BAZ1B: variants seen among roughly 807,000 people sequenced by gnomAD.
The protein encoded by BAZ1B is bromodomain adjacent to zinc finger domain 1B, also known as tyrosine-protein kinase BAZ1B.
In BAZ1B, 22 loss-of-function variants were observed where a neutral mutation model predicts 153.8. The observed-to-expected ratio is 0.14, with a 90% CI of 0.10 to 0.20. The LOEUF is 0.20. BAZ1B is among the 10% of genes least tolerant of loss of function. BAZ1B has a pLI of 1.00. For synonymous variants in BAZ1B, 676 were observed against 633.4 expected, an observed-to-expected ratio of 1.07 and a Z score of -1.01; for missense variants, 1,325 against 1,799.3, an observed-to-expected ratio of 0.74 and a Z score of 4.77.
At chr7:73,511,752 G>A (rs1219081249) in intron 1 of BAZ1B, among the ~76,000 whole-genome samples, 1 of 151,380 alleles carries the variant, frequency 6.6e-6, no homozygotes, top group African/African-American at 2.4e-5. Context: ...CAGGCGTGGT[G>A]GCTCACGCCT....
At chr7:73,508,590 G>T in intron 2 of BAZ1B, 119 bp from the exon 3 acceptor site, 1 of 1,220,624 alleles carries the variant, frequency 8.2e-7, no homozygotes, top group Non-Finnish European at 1.1e-6. Context: ...TTATCGCTCT[G>T]TCACCAAGGC....
intron 5 of BAZ1B, among the ~76,000 whole-genome samples, chr7:73,490,763 G>A (rs190547839): frequency 0.031 from 4,727 of 151,680 alleles, 149 homozygotes; most frequent in Non-Finnish European, 0.037. Context: ...GTGCCACCAC[G>A]CCCGGCTAAT....
Position 73,442,399 on chromosome 7 carries a change from C to T in BAZ1B, c.4249G>A (p.Val1417Ile), listed in dbSNP as rs548378448. The change falls in exon 19 of 20, where the codon GTT (valine) becomes ATT (isoleucine). Residue 1417 changes from valine to isoleucine, a missense_variant. Coordinates refer to ENST00000339594, the MANE Select transcript of BAZ1B (RefSeq NM_032408.4). ...DMKQVFTNAE[V>I]YNCRGSHVLS... ...ACATGGCTGCCACGGCAGTTGTAAACCTCAGCATTGGTAAACACTTGCTTC... is the reference window on the plus strand; with the variant it reads ...ACATGGCTGCCACGGCAGTTGTAAATCTCAGCATTGGTAAACACTTGCTTC... The T allele has an allele frequency of 1.0e-4, 166 of 1,614,244 alleles. 1 individual carries two copies. In the South Asian group the frequency reaches 1.7e-3, roughly 17 times the overall value.
chr7:73,510,105 C>G (rs1790517143), intron 2 of BAZ1B, among the ~76,000 whole-genome samples: 1 of 151,204 alleles, frequency 6.6e-6, no homozygotes, highest in Non-Finnish European at 1.5e-5. Flanking sequence ...CCAGCCTGGG[C>G]AACAGAGTGA....
In BAZ1B at chr7:73,510,726, CA is replaced by C. The variant is rs1181673928; in HGVS notation, c.224+9del. 4 of 1,607,432 alleles carry C rather than the reference CA, an allele frequency of 2.5e-6. No individual in the cohort carries two copies. The highest frequency in any genetic ancestry group is 3.4e-6 in the Non-Finnish European group (4 of 1,174,166). ...AGATGGTGGCAAAGAGCAATACTTCCATTACTTACAGCTCAGCAACTTCCTG... is the reference window on the plus strand; with the variant it reads ...AGATGGTGGCAAAGAGCAATACTTCCTTACTTACAGCTCAGCAACTTCCTG... On this transcript the variant is annotated intron_variant, in intron 2 of 19. Transcript: ENST00000339594.
At chr7:73,481,099 G>T (rs948465877) in intron 6 of BAZ1B, among the ~76,000 whole-genome samples, 18 of 151,912 alleles carry the variant, frequency 1.2e-4, no homozygotes, top group Non-Finnish European at 1.6e-4. Context: ...GCTAACTTTT[G>T]TATTTTTAGT....
In BAZ1B at chr7:73,450,903, C is replaced by G. The variant is rs368624518; in HGVS notation, c.3524G>C (p.Cys1175Ser). Reference sequence around the variant, plus strand: ...TTCTGCGGACATATCCCACTTGATACAGGCATCAAGCATCCCAAGCAGCAC... The same window carrying G: ...TTCTGCGGACATATCCCACTTGATAGAGGCATCAAGCATCCCAAGCAGCAC... ...MHVLLGMLDA[C>S]IKWDMSAENA... is the part of the protein sequence containing the mutation. Residue 1175 changes from cysteine (C) to serine (S), a missense_variant, in exon 14 of 20, where the codon TGT becomes TCT. By Grantham distance (112) the Cys-to-Ser change is moderately radical. This residue lies in a region of BAZ1B where 431 missense variants were observed against 563.5 expected (regional missense o/e 0.76). Coordinates refer to ENST00000339594, the MANE Select transcript of BAZ1B (RefSeq NM_032408.4). This position sits in a 1 kb window ranked among gnomAD's most constrained non-coding sequence, Gnocchi z 4.1. The G allele has an allele frequency of 2.5e-6, 4 of 1,614,144 alleles. No homozygotes were observed. Among genetic ancestry groups the G allele is most frequent in the Non-Finnish European group, 3.4e-6 (4 of 1,180,036 alleles).
chr7:73,443,883 G>T, intron 17 of BAZ1B, 101 bp downstream of exon 17: 1 of 1,534,746 alleles, frequency 6.5e-7, no homozygotes, highest in South Asian at 1.1e-5. Context: ...AAGGAGGAGG[G>T]GGGAGGCTCC....
chr7:73,449,444 A>T, intron 15 of BAZ1B, 98 bp downstream of exon 15: 2 of 1,388,338 alleles, frequency 1.4e-6, no homozygotes, highest in Non-Finnish European at 1.9e-6. Context: ...GATGAACTTA[A>T]AGCTCCTTAG....
intron 1 of BAZ1B, among the ~76,000 whole-genome samples, chr7:73,516,423 G>C (rs1176371441): frequency 3.3e-5 from 5 of 151,994 alleles, no homozygotes; most frequent in African/African-American, 1.2e-4. Context: ...ACTGAAACCT[G>C]AAGTATACAT....
At position 73,461,266 on chromosome 7, in the gene BAZ1B, G is replaced by A. The variant is rs539708230; in HGVS notation, c.3250-1548C>T. Reference sequence around the variant, plus strand: ...GCTGGGATTACAGGCGTAAGCCACCGCGCCCGCATGAACAAGACCTATCTC... The same window carrying A: ...GCTGGGATTACAGGCGTAAGCCACCACGCCCGCATGAACAAGACCTATCTC... On this transcript the variant is annotated intron_variant, in intron 12 of 19. Coordinates refer to ENST00000339594, the MANE Select transcript of BAZ1B (RefSeq NM_032408.4). 7.9e-5 allele frequency among the ~76,000 whole-genome samples: 12 copies of A among 152,026 alleles called. No homozygotes were observed. In the South Asian group the frequency reaches 1.9e-3, roughly 24 times the overall value.
intron 4 of BAZ1B, among the ~76,000 whole-genome samples, chr7:73,493,615 C>T (rs181932039): frequency 1.1e-3 from 164 of 151,658 alleles, no homozygotes; most frequent in African/African-American, 3.8e-3. Context: ...CCAAGGCAGG[C>T]AGATCCCCTG....
intron 6 of BAZ1B, among the ~76,000 whole-genome samples, chr7:73,484,377 C>T (rs149335761): frequency 6.6e-6 from 1 of 152,172 alleles, no homozygotes; most frequent in Admixed American, 6.5e-5. Flanking sequence ...ATAGCTCACA[C>T]CTGTAATCCC....
rs186853770 is a variant in BAZ1B at position 73,466,284 on chromosome 7, T to G, written c.2972+12A>C. ...GAAAAAGAAAGAGCAACCAGATGAA[T>G]GCTCACATTACCATAGGTTCTGTCC... is the stretch of plus-strand genomic sequence containing the variant. On this transcript the variant is annotated intron_variant, in intron 10 of 19. Coordinates refer to ENST00000339594, the MANE Select transcript of BAZ1B (RefSeq NM_032408.4). The G allele has an allele frequency of 2.1e-5, 33 of 1,572,498 alleles. No individual in the cohort carries two copies. The African/African-American group carries it at 4.0e-4, about 19-fold the overall frequency.
intron 4 of BAZ1B, among the ~76,000 whole-genome samples, chr7:73,495,847 T>C (rs1031764837): frequency 6.6e-6 from 1 of 152,052 alleles, no homozygotes; most frequent in Non-Finnish European, 1.5e-5. Context: ...CATGGACACA[T>C]AGAGGGGAAC....
At chr7:73,465,733 C>A (rs1333597412) in intron 10 of BAZ1B, among the ~76,000 whole-genome samples, 196 bp from the exon 11 acceptor site, 1 of 152,058 alleles carries the variant, frequency 6.6e-6, no homozygotes, top group African/African-American at 2.4e-5. Flanking sequence ...TACTAGGACA[C>A]CAGAGCCAAT....
At chr7:73,478,938 A>T (rs1244118704) in intron 6 of BAZ1B, among the ~76,000 whole-genome samples, 1 of 152,196 alleles carries the variant, frequency 6.6e-6, no homozygotes, top group Non-Finnish European at 1.5e-5. Flanking sequence ...CAGATTAAGG[A>T]TATCTGATCT....
chr7:73,481,912 G>A (rs544943636), intron 6 of BAZ1B, among the ~76,000 whole-genome samples: 140 of 152,180 alleles, frequency 9.2e-4, no homozygotes, highest in Admixed American at 1.6e-3. Flanking sequence ...GGTGGCGGGC[G>A]CCTGTAGTCC....
In BAZ1B at chr7:73,441,071, A is replaced by G. The variant is rs566002196; in HGVS notation, c.*638T>C. The G allele has an allele frequency of 6.6e-6, 1 of 152,576 alleles. No homozygotes were observed. The highest frequency in any genetic ancestry group is 1.9e-4 in the East Asian group (1 of 5,182). The allele number at this position is 152,576 out of a possible 1,614,324, so 9.5% of individuals were successfully genotyped here. ...GAGGAGTTCCAAGGCTGAGGTCAGAACGGGCATGGGAGGCAGCAGACACAG... is the reference window on the plus strand; with the variant it reads ...GAGGAGTTCCAAGGCTGAGGTCAGAGCGGGCATGGGAGGCAGCAGACACAG... On this transcript the variant is annotated 3_prime_UTR_variant, in exon 20 of 20. Coordinates refer to ENST00000339594, the MANE Select transcript of BAZ1B (RefSeq NM_032408.4).
Sources: gnomAD v4.1 joint callset for allele counts (sites outside exome capture counted in the v4.1 genomes callset) on GRCh38, gnomAD v4.1.1 for gene constraint, gnomAD v4.1.1 regional missense constraint, Gnocchi (gnomAD v3.1) non-coding constraint, MANE v1.5 for transcripts, NCBI Gene and HGNC (gene_info 2026-07-23, HGNC 2026-07-21) for gene names.